The following DLG2 variants were observed in gnomAD, a reference collection of about 807,000 sequenced individuals.
DLG2 encodes the protein disks large homolog 2.
A neutral mutation model predicts 132.5 loss-of-function variants in DLG2; 45 were observed. The ratio of observed to expected loss-of-function variants is 0.34; its 90% confidence interval spans 0.27 to 0.44. The LOEUF (loss-of-function observed/expected upper bound fraction) is 0.44. Among genes scored for constraint, DLG2 ranks in the 20% least tolerant of loss-of-function variants. The pLI, the probability that DLG2 is intolerant of heterozygous loss-of-function variation, is 1.00. For missense variants in DLG2, 1,045 were observed against 1,196.9 expected, an observed-to-expected ratio of 0.87 and a Z score of 1.87; for synonymous variants, 424 against 419.6, an observed-to-expected ratio of 1.01 and a Z score of -0.13.
In DLG2 at chr11:84,821,636, AAAAAACAACAACAAC is replaced by A. The variant is rs1183199282; in HGVS notation, c.358-286920_358-286906del. Among the ~76,000 whole-genome samples, 118 of 127,930 alleles carry A rather than the reference AAAAAACAACAACAAC, an allele frequency of 9.2e-4. 1 individual carries two copies. Among genetic ancestry groups the A allele is most frequent in the African/African-American group, 3.4e-3 (113 of 33,522 alleles). The allele number at this position is 127,930 out of a possible 152,430, so 83.9% of individuals were successfully genotyped here. A position where few individuals can be genotyped will look rare whatever the true frequency, so the allele number is the denominator to read the frequency against. ...TATGGTTCATACAATGTAAAAAAAA[AAAAAACAACAACAAC>A]AAAAAAAACAAAAAAACAACTTTGG... On this transcript the variant is annotated intron_variant, in intron 6 of 27. Coordinates refer to ENST00000376104, the MANE Select transcript of DLG2 (RefSeq NM_001142699.3).
chr11:85,372,598 G>T (rs1254867389), intron 3 of DLG2, among the ~76,000 whole-genome samples: 1 of 152,220 alleles, frequency 6.6e-6, no homozygotes, highest in Non-Finnish European at 1.5e-5. Flanking sequence ...CAAGCTTTTT[G>T]TTTCATGGAT....
intron 7 of DLG2, among the ~76,000 whole-genome samples, chr11:84,417,626 C>A (rs2098934275): frequency 6.6e-6 from 1 of 152,128 alleles, no homozygotes; most frequent in Admixed American, 6.6e-5. Context: ...CCAACCCTGA[C>A]CCATGCCCAT....
chr11:83,995,898 T>C (rs2093996745), intron 11 of DLG2, among the ~76,000 whole-genome samples: 1 of 152,150 alleles, frequency 6.6e-6, no homozygotes, highest in Non-Finnish European at 1.5e-5. Flanking sequence ...GGAAGATTTC[T>C]ATGACATTGG....
chr11:85,609,731 C>G (rs1331629147), intron 2 of DLG2, among the ~76,000 whole-genome samples: 4 of 152,096 alleles, frequency 2.6e-5, no homozygotes, highest in Admixed American at 2.6e-4. Context: ...CTCACTGAGC[C>G]CCGGATACGT....
At chr11:83,705,133 T>C (rs891261731) in intron 18 of DLG2, among the ~76,000 whole-genome samples, 2 of 152,218 alleles carry the variant, frequency 1.3e-5, no homozygotes, top group African/African-American at 2.4e-5. Flanking sequence ...ACTTGCCCTT[T>C]GTACTTTCTG....
intron 3 of DLG2, among the ~76,000 whole-genome samples, chr11:85,488,356 T>C (rs1479461046): frequency 6.6e-6 from 1 of 150,978 alleles, no homozygotes; most frequent in Admixed American, 6.6e-5. Context: ...ACCACTGCAC[T>C]CCAGCCTAGG....
At chr11:85,620,410 C>T (rs183204496) in intron 2 of DLG2, among the ~76,000 whole-genome samples, 7 of 152,254 alleles carry the variant, frequency 4.6e-5, no homozygotes, top group African/African-American at 7.2e-5. Flanking sequence ...TGAAAGGAAA[C>T]GTTACACATT....
chr11:84,788,645 C>G (rs923768959), intron 6 of DLG2, among the ~76,000 whole-genome samples: 1 of 151,992 alleles, frequency 6.6e-6, no homozygotes, highest in Non-Finnish European at 1.5e-5. Context: ...AGGTGTATGT[C>G]ATATACTAAA....
At chr11:84,496,895 A>C (rs943118029) in intron 7 of DLG2, among the ~76,000 whole-genome samples, 2 of 152,174 alleles carry the variant, frequency 1.3e-5, no homozygotes, top group African/African-American at 4.8e-5. Flanking sequence ...GAATGAAGGA[A>C]TATACTTCAT....
chr11:84,278,220 A>C (rs2097804561), intron 7 of DLG2, among the ~76,000 whole-genome samples: 2 of 151,894 alleles, frequency 1.3e-5, no homozygotes, highest in Admixed American at 6.6e-5. Flanking sequence ...TTTTCCCCCC[A>C]AAAATTAATA....
chr11:84,012,043 G>T (rs2094918651), intron 11 of DLG2, among the ~76,000 whole-genome samples: 1 of 152,048 alleles, frequency 6.6e-6, no homozygotes, highest in Non-Finnish European at 1.5e-5. Flanking sequence ...TCCAAAATGG[G>T]ATATTCTCTG....
chr11:85,070,375 T>G (rs926257061), intron 6 of DLG2, among the ~76,000 whole-genome samples: 7 of 151,464 alleles, frequency 4.6e-5, no homozygotes, highest in Non-Finnish European at 2.9e-5. Context: ...GCAGCACTAT[T>G]CACAATACCA....
chr11:83,715,339 A>G (rs1429204285), intron 18 of DLG2, among the ~76,000 whole-genome samples: 1 of 152,232 alleles, frequency 6.6e-6, no homozygotes, highest in Non-Finnish European at 1.5e-5. Flanking sequence ...GTATCATTCT[A>G]TCATTCACCA....
intron 3 of DLG2, 28 bp from the exon 4 acceptor site, chr11:85,285,393 A>T: frequency 1.9e-6 from 3 of 1,603,102 alleles, no homozygotes; most frequent in Non-Finnish European, 2.6e-6. Flanking sequence ...GGAAAGCATC[A>T]AAATGTAATG....
At chr11:83,908,270 T>C (rs1038072853) in intron 15 of DLG2, among the ~76,000 whole-genome samples, 7 of 152,132 alleles carry the variant, frequency 4.6e-5, no homozygotes, top group African/African-American at 1.7e-4. Context: ...ATAGATGCCT[T>C]CTCATCTCTA....
intron 7 of DLG2, among the ~76,000 whole-genome samples, chr11:84,511,992 A>G (rs1298655384): frequency 6.6e-6 from 1 of 152,188 alleles, no homozygotes; most frequent in African/African-American, 2.4e-5. Context: ...TCGAGGTCAC[A>G]TACCTAGCAA....
chr11:85,199,438 T>C (rs963821304), intron 4 of DLG2, among the ~76,000 whole-genome samples: 1 of 152,216 alleles, frequency 6.6e-6, no homozygotes, highest in East Asian at 1.9e-4. Context: ...CCCAGGGTGA[T>C]AGAAGTTTAT....
At chr11:85,330,548 A>G (rs1434571705) in intron 3 of DLG2, among the ~76,000 whole-genome samples, 1 of 97,552 alleles carries the variant, frequency 1.0e-5, no homozygotes, top group East Asian at 3.0e-4. Context: ...AACACCGCAT[A>G]TTCTCACTCA....
At chr11:85,446,573 CATCTT>C (rs2092019730) in intron 3 of DLG2, among the ~76,000 whole-genome samples, 1 of 152,150 alleles carries the variant, frequency 6.6e-6, no homozygotes, top group Admixed American at 6.5e-5. Flanking sequence ...ACTTTATAAA[CATCTT>C]ATTTAATCCT....
Sources: gnomAD v4.1 joint callset for allele counts (sites outside exome capture counted in the v4.1 genomes callset) on GRCh38, gnomAD v4.1.1 for gene constraint, MANE v1.5 for transcripts, NCBI Gene and HGNC (gene_info 2026-07-23, HGNC 2026-07-21) for gene names.